Variants in PLEKHA5 observed in about 807,000 individuals in gnomAD.
PLEKHA5 encodes pleckstrin homology domain-containing family A member 5.
Under a neutral mutation model 181.9 loss-of-function variants are expected in PLEKHA5, and 55 were observed. That is an observed-to-expected ratio of 0.30 (90% CI 0.24 to 0.38). PLEKHA5 has a LOEUF of 0.38. Ranked by LOEUF, PLEKHA5 falls within the 10% of genes least tolerant of loss-of-function variation. The pLI, the probability that PLEKHA5 is intolerant of heterozygous loss-of-function variation, is 1.00. For synonymous variants in PLEKHA5, 535 were observed against 529.4 expected (o/e 1.01, Z -0.15); for missense variants, 1,432 against 1,549.5 (o/e 0.92, Z 1.27).
At chr12:19,297,169 G>A (rs965594699) in intron 15 of PLEKHA5, among the ~76,000 whole-genome samples, 5 of 152,036 alleles carry the variant, frequency 3.3e-5, no homozygotes, top group African/African-American at 7.2e-5. Context: ...CCTACTGTGG[G>A]TAAACCAAAC....
chr12:19,141,985 C>A (rs1251806263), intron 3 of PLEKHA5, among the ~76,000 whole-genome samples: 1 of 152,066 alleles, frequency 6.6e-6, no homozygotes, highest in East Asian at 1.9e-4. Context: ...TATATTGTTT[C>A]TTTGGATAGA....
intron 3 of PLEKHA5, among the ~76,000 whole-genome samples, chr12:19,217,645 C>T (rs1460121056): frequency 2.0e-5 from 3 of 152,066 alleles, no homozygotes; most frequent in Non-Finnish European, 2.9e-5. Flanking sequence ...TTCAGTGCTG[C>T]GGAAGCCAAG....
intron 3 of PLEKHA5, among the ~76,000 whole-genome samples, chr12:19,202,513 G>A (rs2054408966): frequency 6.6e-6 from 1 of 151,946 alleles, no homozygotes; most frequent in Admixed American, 6.6e-5. Flanking sequence ...AAAGGTTTCT[G>A]GACCCTGAGA....
At chr12:19,216,566 G>A (rs2058014900) in intron 3 of PLEKHA5, among the ~76,000 whole-genome samples, 1 of 151,974 alleles carries the variant, frequency 6.6e-6, no homozygotes, top group South Asian at 2.1e-4. Flanking sequence ...TGGAGGCTGA[G>A]GCAAGAGAAT....
At chr12:19,323,832 A>G (rs1691348984) in intron 20 of PLEKHA5, among the ~76,000 whole-genome samples, 1 of 140,208 alleles carries the variant, frequency 7.1e-6, no homozygotes, top group Non-Finnish European at 1.6e-5. Context: ...AAAAAAAAAA[A>G]GAAAGAAATG....
intron 20 of PLEKHA5, 54 bp downstream of exon 20, chr12:19,322,721 T>G: frequency 2.4e-6 from 3 of 1,245,516 alleles, no homozygotes; most frequent in Non-Finnish European, 3.4e-6. Context: ...TGTAGTTCTA[T>G]TTTCTTCTCT....
chr12:19,232,936 C>T (rs1334925852), intron 3 of PLEKHA5, among the ~76,000 whole-genome samples: 2 of 152,104 alleles, frequency 1.3e-5, no homozygotes, highest in Admixed American at 6.5e-5. Flanking sequence ...TTCTTATACT[C>T]TACTTCAGTT....
chr12:19,170,298 A>C (rs1399666388), intron 3 of PLEKHA5, among the ~76,000 whole-genome samples: 7 of 152,252 alleles, frequency 4.6e-5, no homozygotes, highest in Non-Finnish European at 8.8e-5. Flanking sequence ...TTGTACAATA[A>C]CTATACTTGA....
intron 15 of PLEKHA5, among the ~76,000 whole-genome samples, chr12:19,293,547 G>C (rs2079003988): frequency 6.6e-6 from 1 of 151,918 alleles, no homozygotes; most frequent in Non-Finnish European, 1.5e-5. Context: ...AGATACATGG[G>C]AAATAAAAAA....
At chr12:19,255,227 C>G in intron 5 of PLEKHA5, 62 bp downstream of exon 5, 1 of 959,954 alleles carries the variant, frequency 1.0e-6, no homozygotes, top group South Asian at 3.0e-5. Context: ...TACCGTTACT[C>G]ATAATGGACT....
intron 3 of PLEKHA5, among the ~76,000 whole-genome samples, chr12:19,191,356 T>C (rs958040970): frequency 6.6e-6 from 1 of 152,168 alleles, no homozygotes. Context: ...GTTAATACTT[T>C]AATACCCTGA....
intron 21 of PLEKHA5, 114 bp downstream of exon 21, chr12:19,336,730 A>C (rs1439785096): frequency 1.6e-6 from 1 of 616,700 alleles, no homozygotes; most frequent in Non-Finnish European, 2.8e-6. Context: ...TGGCTACCTG[A>C]GACCTGGATT....
At chr12:19,235,305 T>C (rs2061249042) in intron 3 of PLEKHA5, among the ~76,000 whole-genome samples, 1 of 152,198 alleles carries the variant, frequency 6.6e-6, no homozygotes, top group South Asian at 2.1e-4. Context: ...CTAGATTTAG[T>C]TGTAAGACAA....
intron 12 of PLEKHA5, among the ~76,000 whole-genome samples, chr12:19,286,678 C>G (rs368961322): frequency 6.6e-6 from 1 of 152,100 alleles, no homozygotes; most frequent in Non-Finnish European, 1.5e-5. Context: ...TAGAATTACT[C>G]TGTTCAGGCC....
At chr12:19,350,198 A>G (rs1259929446) in intron 25 of PLEKHA5, among the ~76,000 whole-genome samples, 1 of 152,200 alleles carries the variant, frequency 6.6e-6, no homozygotes, top group Admixed American at 6.6e-5. Context: ...AAGTAGCACA[A>G]TTAATGGAAA....
chr12:19,201,201 T>C (rs1182730962), intron 3 of PLEKHA5: 1 of 152,082 alleles, frequency 6.6e-6, no homozygotes, highest in Non-Finnish European at 1.5e-5. Flanking sequence ...AATTTAAATA[T>C]ATTTCACATG....
Position 19,283,325 on chromosome 12 carries a change from A to T in PLEKHA5, c.1359A>T (p.Arg453Ser). Residue 453 changes from arginine to serine, a missense_variant, in exon 12 of 32, where the codon AGA becomes AGT. Physicochemically the swap from Arg to Ser is moderately radical, Grantham distance 110. Around this residue, in one of 2 missense-constraint regions of PLEKHA5, gnomAD observed 1,143 missense variants for 1,168.4 expected, o/e 0.98. Transcript: ENST00000429027. ...QTLPRNMPSH[R>S]AQIMARYPEG... ...TACCAAGAAATATGCCAAGTCACAG[A>T]GCCCAGATTATGGCCCGCTACCCTG... 1 of 1,613,586 alleles carries T rather than the reference A, an allele frequency of 6.2e-7. No individual in the cohort carries two copies. The highest frequency in any genetic ancestry group is 1.1e-5 in the South Asian group (1 of 90,982).
intron 3 of PLEKHA5, among the ~76,000 whole-genome samples, chr12:19,133,892 A>T (rs1299840197): frequency 2.0e-5 from 3 of 152,014 alleles, no homozygotes; most frequent in Non-Finnish European, 4.4e-5. Flanking sequence ...GTGAGTTGAT[A>T]TTGCCACGAA....
chr12:19,332,577 A>C (rs1426697260), intron 20 of PLEKHA5, among the ~76,000 whole-genome samples: 2 of 152,134 alleles, frequency 1.3e-5, no homozygotes, highest in Non-Finnish European at 2.9e-5. Flanking sequence ...ACAGCCTCCA[A>C]CTCTTAGCCT....
Sources: allele counts gnomAD v4.1 joint callset (sites outside exome capture counted in the v4.1 genomes callset), GRCh38; gene constraint gnomAD v4.1.1; regional missense constraint gnomAD v4.1.1; transcripts MANE v1.5; gene names NCBI Gene and HGNC (gene_info 2026-07-23, HGNC 2026-07-21).